Variants in PLEKHA8 observed in about 807,000 individuals in gnomAD.
PLEKHA8 encodes the protein pleckstrin homology domain-containing family A member 8.
Under a neutral mutation model 68.2 loss-of-function variants are expected in PLEKHA8, and 36 were observed. The ratio of observed to expected loss-of-function variants is 0.53; its 90% CI spans 0.40 to 0.70. PLEKHA8 has a LOEUF of 0.70. Among genes scored for constraint, PLEKHA8 ranks in the 30% least tolerant of loss-of-function variants. The pLI is 0.00. For missense variants in PLEKHA8, 505 were observed against 615.4 expected (o/e 0.82, Z 1.90); for synonymous variants, 211 against 216.1 (o/e 0.98, Z 0.20).
chr7:30,032,280 C>A (rs899394022), intron 1 of PLEKHA8, among the ~76,000 whole-genome samples: 2 of 152,192 alleles, frequency 1.3e-5, no homozygotes, highest in African/African-American at 4.8e-5. Context: ...GCCTGGCAAA[C>A]AGCCCTATTA....
intron 13 of PLEKHA8, among the ~76,000 whole-genome samples, chr7:30,118,586 T>C (rs980423835): frequency 5.3e-5 from 8 of 151,770 alleles, no homozygotes; most frequent in Middle Eastern, 6.8e-3. Flanking sequence ...ATCTTTCTTT[T>C]TTTTTTTTTG....
chr7:30,028,667 G>C lies in PLEKHA8; in HGVS notation c.-96G>C. 2 of 999,356 alleles carry C rather than the reference G, an allele frequency of 2.0e-6. No individual in the cohort carries two copies. The highest frequency in any genetic ancestry group is 5.1e-5 in the South Asian group (1 of 19,724). The allele number at this position is 999,356 out of a possible 1,614,324, so 61.9% of individuals were successfully genotyped here. Reference sequence around the variant, plus strand: ...GGCGCCGGGAGTGGGCGTCTGGGCAGCGCCAGGCGATGGCCCTGCTGCTGG... The same window carrying C: ...GGCGCCGGGAGTGGGCGTCTGGGCACCGCCAGGCGATGGCCCTGCTGCTGG... On this transcript the variant is annotated 5_prime_UTR_variant, in exon 1 of 14. Transcript: ENST00000449726.
At chr7:30,085,965 T>G (rs1323405533), downstream of PLEKHA8, among the ~76,000 whole-genome samples, 4 of 152,252 alleles carry the variant, frequency 2.6e-5, no homozygotes, top group Non-Finnish European at 5.9e-5. Flanking sequence ...TAGTTCCAGC[T>G]GTCTGGAGGC....
exon 13 of PLEKHA8, chr7:30,090,235 C>A: frequency 6.5e-7 from 1 of 1,534,118 alleles, no homozygotes; most frequent in South Asian, 1.2e-5. Flanking sequence ...AATTCCTCAC[C>A]ATTCAGGCAG....
chr7:30,044,133 A>G (rs922852306), intron 1 of PLEKHA8, among the ~76,000 whole-genome samples: 8 of 150,880 alleles, frequency 5.3e-5, no homozygotes, highest in African/African-American at 2.0e-4. Flanking sequence ...CAGCCTCCTG[A>G]ATAGCTGGGA....
At position 30,082,832 on chromosome 7, in the gene PLEKHA8, T is replaced by C. The variant is rs1462775128; in HGVS notation, c.*4045T>C. On this transcript the variant is annotated 3_prime_UTR_variant, in exon 14 of 14. Transcript: ENST00000449726. Reference sequence around the variant, plus strand: ...ATCAGGCAATAGAGTCAGAGGGTCATGAGCAATAGACGATGATGCGAGGCA... The same window carrying C: ...ATCAGGCAATAGAGTCAGAGGGTCACGAGCAATAGACGATGATGCGAGGCA... 1.0e-6 allele frequency: 1 copy of C among 985,320 alleles called. No homozygotes were observed. The allele number at this position is 985,320 out of a possible 1,614,324, so 61.0% of individuals were successfully genotyped here.
At position 30,047,969 on chromosome 7, in the gene PLEKHA8, T is replaced by A. The variant is rs760722378; in HGVS notation, c.438+13T>A. The stretch of plus-strand genomic sequence containing the variant: ...GTCCAATTCTGAGGTAAAATATTAT[T>A]TATTAATATTATTAATATACATGAA... On this transcript the variant is annotated intron_variant, in intron 4 of 13. Transcript: ENST00000449726. The A allele has an allele frequency of 3.1e-5, 39 of 1,241,860 alleles. No individual in the cohort carries two copies. Among genetic ancestry groups the A allele is most frequent in the African/African-American group, 4.8e-5 (3 of 62,794 alleles). 76.9% of individuals were successfully genotyped at this position (1,241,860 alleles called of 1,614,324 possible).
intron 13 of PLEKHA8, among the ~76,000 whole-genome samples, chr7:30,110,046 T>C (rs1796218594): frequency 6.6e-6 from 1 of 152,190 alleles, no homozygotes; most frequent in Non-Finnish European, 1.5e-5. Context: ...CATATAAAAT[T>C]TACCCACTTA....
intron 1 of PLEKHA8, among the ~76,000 whole-genome samples, chr7:30,032,394 A>G (rs1393489471): frequency 6.6e-6 from 1 of 152,244 alleles, no homozygotes; most frequent in African/African-American, 2.4e-5. Context: ...TTAAAAATTT[A>G]TTAGTACTTA....
At chr7:30,095,159 C>CT (rs780745820), downstream of PLEKHA8, among the ~76,000 whole-genome samples, 2 of 152,138 alleles carry the variant, frequency 1.3e-5, no homozygotes, top group East Asian at 1.9e-4. Flanking sequence ...AAAAGTGTTC[C>CT]ATTTCTCCAC....
chr7:30,079,909 T>C lies in PLEKHA8; in HGVS notation c.*1122T>C. 1.0e-6 allele frequency: 1 copy of C among 984,024 alleles called. No individual in the cohort carries two copies. The highest frequency in any genetic ancestry group is 1.2e-6 in the Non-Finnish European group (1 of 828,712). The allele number at this position is 984,024 out of a possible 1,614,324, so 61.0% of individuals were successfully genotyped here. A position where few individuals can be genotyped will look rare whatever the true frequency, so the allele number is the denominator to read the frequency against. On this transcript the variant is annotated 3_prime_UTR_variant, in exon 14 of 14. Coordinates refer to ENST00000449726, the MANE Select transcript of PLEKHA8 (RefSeq NM_001197026.2). Reference sequence around the variant, plus strand: ...CTAAATGATATGTCCTTTTTTTTTTTTTCAAAGAGGATAAGGCTGCTATTT... The same window carrying C: ...CTAAATGATATGTCCTTTTTTTTTTCTTCAAAGAGGATAAGGCTGCTATTT...
chr7:30,078,713 G>A lies in PLEKHA8; in HGVS notation c.1486G>A (p.Ala496Thr), dbSNP rs1562536029. Residue 496 changes from alanine to threonine, a missense_variant, in exon 14 of 14, where the codon GCC (alanine) becomes ACC (threonine). Coordinates refer to ENST00000449726, the MANE Select transcript of PLEKHA8 (RefSeq NM_001197026.2). Reference protein sequence around the residue: ...MQRDLSLYLPAMEKQLAILDT... With the variant: ...MQRDLSLYLPTMEKQLAILDT... ...GAGGGACCTCAGCCTTTACCTCCCT[G>A]CCATGGAGAAGCAGCTGGCCATACT... 1.2e-6 allele frequency: 2 copies of A among 1,613,832 alleles called. No homozygotes were observed. Among genetic ancestry groups the A allele is most frequent in the Non-Finnish European group, 1.7e-6 (2 of 1,179,806 alleles).
intron 6 of PLEKHA8, 88 bp downstream of exon 6, chr7:30,050,562 T>C: frequency 7.2e-7 from 1 of 1,392,276 alleles, no homozygotes. Flanking sequence ...TTTGATCTTG[T>C]AATGGTTTTT....
chr7:30,037,783 A>T (rs1303096139), intron 1 of PLEKHA8, among the ~76,000 whole-genome samples: 1 of 149,094 alleles, frequency 6.7e-6, no homozygotes, highest in Non-Finnish European at 1.5e-5. Flanking sequence ...AGTAGTTCTT[A>T]TGGATTTTTT....
At chr7:30,037,475 G>A (rs1316230720) in intron 1 of PLEKHA8, among the ~76,000 whole-genome samples, 1 of 152,114 alleles carries the variant, frequency 6.6e-6, no homozygotes, top group Non-Finnish European at 1.5e-5. Context: ...TGGGAAAGAT[G>A]GGAGTTTTCT....
At chr7:30,094,635 A>G (rs1795536344), downstream of PLEKHA8, among the ~76,000 whole-genome samples, 1 of 151,230 alleles carries the variant, frequency 6.6e-6, no homozygotes, top group African/African-American at 2.4e-5. Flanking sequence ...GCATTAGGTC[A>G]TTTAGCATTA....
chr7:30,129,365 G>C, exon 14 of PLEKHA8: 1 of 1,607,726 alleles, frequency 6.2e-7, no homozygotes, highest in African/African-American at 1.3e-5. Flanking sequence ...AAAGCAGAAA[G>C]AAGAGCTGAA....
At chr7:30,063,307 T>C (rs952150637) in intron 12 of PLEKHA8, among the ~76,000 whole-genome samples, 1 of 152,224 alleles carries the variant, frequency 6.6e-6, no homozygotes, top group African/African-American at 2.4e-5. Context: ...TGCAACATTG[T>C]AGGTGCTTAA....
intron 13 of PLEKHA8, among the ~76,000 whole-genome samples, chr7:30,116,618 G>A (rs532357804): frequency 1.3e-5 from 2 of 152,246 alleles, no homozygotes; most frequent in African/African-American, 4.8e-5. Context: ...ACATTGTGCC[G>A]CTGATAGATG....
Sources: allele counts gnomAD v4.1 joint callset (sites outside exome capture counted in the v4.1 genomes callset), GRCh38; gene constraint gnomAD v4.1.1; transcripts MANE v1.5; gene names NCBI Gene and HGNC (gene_info 2026-07-23, HGNC 2026-07-21).